ACVR2A: variants seen among roughly 807,000 people sequenced by gnomAD.
ACVR2A encodes the protein activin A receptor type 2A, also known as activin receptor type-2A.
Under a neutral mutation model 61.4 loss-of-function variants are expected in ACVR2A, and 7 were observed. That is an observed-to-expected ratio of 0.11 (90% CI 0.06 to 0.21). The LOEUF (loss-of-function observed/expected upper bound fraction) is 0.21. Ranked by LOEUF, ACVR2A falls within the 10% of genes least tolerant of loss-of-function variation. The pLI, the probability that ACVR2A is intolerant of heterozygous loss-of-function variation, is 1.00. For synonymous variants in ACVR2A, 193 were observed against 208.3 expected, an observed-to-expected ratio of 0.93 and a Z score of 0.63; for missense variants, 322 against 621.7, an observed-to-expected ratio of 0.52 and a Z score of 5.13.
chr2:147,872,664 TATG>T lies in ACVR2A; in HGVS notation c.56-23633_56-23631del, dbSNP rs145089813. 2.6e-3 allele frequency among the ~76,000 whole-genome samples: 389 copies of T among 151,558 alleles called. 1 individual carries two copies. Among genetic ancestry groups the T allele is most frequent in the African/African-American group, 8.8e-3 (364 of 41,348 alleles). On this transcript the variant is annotated intron_variant, in intron 1 of 10. Coordinates refer to ENST00000241416, the MANE Select transcript of ACVR2A (RefSeq NM_001616.5). The stretch of plus-strand genomic sequence containing the variant: ...GTTTAAATGCATCCTTTCTGAAAAT[TATG>T]ATGTTTTTTTTCTTAATAACACATC...
intron 2 of ACVR2A, among the ~76,000 whole-genome samples, chr2:147,898,828 G>A (rs1405941707): frequency 6.6e-6 from 1 of 151,824 alleles, no homozygotes; most frequent in Non-Finnish European, 1.5e-5. Flanking sequence ...TATTGTTTAC[G>A]TGTTTGTTTT....
At chr2:147,889,757 A>T (rs1303106562) in intron 1 of ACVR2A, among the ~76,000 whole-genome samples, 1 of 151,838 alleles carries the variant, frequency 6.6e-6, no homozygotes, top group Non-Finnish European at 1.5e-5. Flanking sequence ...AAAAAAAAAG[A>T]AGTAGACTTT....
chr2:147,862,753 A>T (rs1382862262), intron 1 of ACVR2A, among the ~76,000 whole-genome samples: 1 of 151,910 alleles, frequency 6.6e-6, no homozygotes, highest in Non-Finnish European at 1.5e-5. Flanking sequence ...CAAAAAAAAA[A>T]AAATTGTTTT....
intron 2 of ACVR2A, among the ~76,000 whole-genome samples, chr2:147,898,934 G>A (rs1172118822): frequency 1.3e-5 from 2 of 151,970 alleles, no homozygotes; most frequent in African/African-American, 4.8e-5. Flanking sequence ...TCTCAGCCTA[G>A]TTTGGGTTTC....
At chr2:147,884,911 C>G (rs1686391408) in intron 1 of ACVR2A, among the ~76,000 whole-genome samples, 3 of 152,110 alleles carry the variant, frequency 2.0e-5, no homozygotes, top group African/African-American at 7.2e-5. Flanking sequence ...CCTCTCCTGG[C>G]TATACCCAAT....
intron 1 of ACVR2A, among the ~76,000 whole-genome samples, chr2:147,867,492 T>C (rs1484637318): frequency 1.3e-5 from 2 of 152,144 alleles, no homozygotes; most frequent in African/African-American, 2.4e-5. Context: ...TTCTTGAGTC[T>C]ATACCTGCTT....
intron 1 of ACVR2A, among the ~76,000 whole-genome samples, chr2:147,863,055 A>G (rs972763837): frequency 2.0e-5 from 3 of 152,200 alleles, no homozygotes; most frequent in Non-Finnish European, 4.4e-5. Context: ...ACTGAGACTC[A>G]GTGACTTGCC....
intron 4 of ACVR2A, among the ~76,000 whole-genome samples, chr2:147,905,834 G>A (rs1377622948): frequency 6.6e-6 from 1 of 151,986 alleles, no homozygotes; most frequent in East Asian, 1.9e-4. Flanking sequence ...AAAATTCTGT[G>A]TCCAAAAGCA....
chr2:147,916,331 G>A (rs1178378070), intron 5 of ACVR2A, among the ~76,000 whole-genome samples: 1 of 151,862 alleles, frequency 6.6e-6, no homozygotes, highest in African/African-American at 2.4e-5. Flanking sequence ...AAAGCTCAGA[G>A]AAAGGCATTT....
At chr2:147,877,912 T>A (rs1686200478) in intron 1 of ACVR2A, among the ~76,000 whole-genome samples, 1 of 152,228 alleles carries the variant, frequency 6.6e-6, no homozygotes, top group African/African-American at 2.4e-5. Context: ...GATCCTTGCT[T>A]TAAACTTTAC....
At chr2:147,909,247 A>G (rs1687060444) in intron 4 of ACVR2A, among the ~76,000 whole-genome samples, 2 of 152,122 alleles carry the variant, frequency 1.3e-5, no homozygotes, top group Non-Finnish European at 2.9e-5. Flanking sequence ...CTCTTTACAG[A>G]TGTTGAAGGT....
chr2:147,909,390 A>G (rs1396934852), intron 4 of ACVR2A, among the ~76,000 whole-genome samples: 1 of 152,156 alleles, frequency 6.6e-6, no homozygotes, highest in Non-Finnish European at 1.5e-5. Context: ...GGATGAATGA[A>G]TGAATGAATG....
chr2:147,907,623 C>CT (rs1687017900), intron 4 of ACVR2A, among the ~76,000 whole-genome samples: 1 of 152,166 alleles, frequency 6.6e-6, no homozygotes, highest in South Asian at 2.1e-4. Context: ...AGTGACTTGG[C>CT]TTAGAGTCAC....
chr2:147,922,839 T>C lies in ACVR2A; in HGVS notation c.1078-134T>C, dbSNP rs1687416199. ...TTTAAGTATACGCAGAAAGGATCTTTCTATTTATACGCTATAGTGTGTATA... is the reference window on the plus strand; with the variant it reads ...TTTAAGTATACGCAGAAAGGATCTTCCTATTTATACGCTATAGTGTGTATA... On this transcript the variant is annotated intron_variant, in intron 8 of 10. Transcript: ENST00000241416. The C allele has an allele frequency of 7.5e-6, 6 of 795,970 alleles. No individual in the cohort carries two copies. The Admixed American group carries it at 8.6e-5, about 11-fold the overall frequency. The allele number at this position is 795,970 out of a possible 1,614,324, so 49.3% of individuals were successfully genotyped here. A position where few individuals can be genotyped will look rare whatever the true frequency, so the allele number is the denominator to read the frequency against.
intron 3 of ACVR2A, 38 bp downstream of exon 3, chr2:147,899,605 G>A (rs1211097105): frequency 4.4e-6 from 7 of 1,594,454 alleles, no homozygotes; most frequent in Admixed American, 3.4e-5. Context: ...TTGCTCAACT[G>A]TAGATTGGAA....
rs1686828493 is a variant in ACVR2A at position 147,899,790 on chromosome 2, G to C, written c.420G>C (p.Leu140=). Residue 140 remains leucine (L), a synonymous_variant, in exon 4 of 11, where the codon CTG becomes CTC. Transcript: ENST00000241416. ...VTPKPPYYNI[L]LYSLVPLMLI... is the part of the protein sequence containing the mutation. ...CTAAGCCACCCTATTACAACATCCT[G>C]CTCTATTCCTTGGTGCCACTTATGT... The C allele has an allele frequency of 6.2e-7, 1 of 1,613,510 alleles. No homozygotes were observed. The highest frequency in any genetic ancestry group is 1.3e-5 in the African/African-American group (1 of 74,866).
chr2:147,873,527 C>CTAGA (rs1686079457), intron 1 of ACVR2A, among the ~76,000 whole-genome samples: 1 of 151,768 alleles, frequency 6.6e-6, no homozygotes, highest in Non-Finnish European at 1.5e-5. Context: ...CAGCTAAAGT[C>CTAGA]TAGAGCATTT....
intron 1 of ACVR2A, among the ~76,000 whole-genome samples, chr2:147,850,970 G>A (rs1050876265): frequency 6.6e-5 from 10 of 152,082 alleles, no homozygotes; most frequent in African/African-American, 2.4e-4. Context: ...GGTCGTAGAG[G>A]TTGGTAGACT....
chr2:147,870,138 T>C (rs531219951), intron 1 of ACVR2A, among the ~76,000 whole-genome samples: 92 of 151,936 alleles, frequency 6.1e-4, no homozygotes, highest in Non-Finnish European at 1.1e-3. Flanking sequence ...TGAGAAGGTC[T>C]TAATGTGGTG....
Sources: gnomAD v4.1 joint callset for allele counts (sites outside exome capture counted in the v4.1 genomes callset) on GRCh38, gnomAD v4.1.1 for gene constraint, MANE v1.5 for transcripts, NCBI Gene and HGNC (gene_info 2026-07-23, HGNC 2026-07-21) for gene names.